GRIK2: variants seen among roughly 807,000 people sequenced by gnomAD.
GRIK2 encodes the protein glutamate ionotropic receptor kainate type subunit 2, also known as glutamate receptor ionotropic, kainate 2.
Under a neutral mutation model 100.3 loss-of-function variants are expected in GRIK2, and 32 were observed. The ratio of observed to expected loss-of-function variants is 0.32; its 90% CI spans 0.24 to 0.43. The LOEUF (loss-of-function observed/expected upper bound fraction) is 0.43. Among genes scored for constraint, GRIK2 ranks in the 20% least tolerant of loss-of-function variants. GRIK2 has a pLI of 1.00. For synonymous variants in GRIK2, 417 were observed against 389.4 expected (o/e 1.07, Z -0.83); for missense variants, 843 against 1,114.9 (o/e 0.76, Z 3.47).
chr6:101,803,876 T>C (rs936652915), intron 9 of GRIK2, among the ~76,000 whole-genome samples: 2 of 151,930 alleles, frequency 1.3e-5, no homozygotes, highest in East Asian at 3.9e-4. Context: ...GTACATATGA[T>C]GATCTATCAC....
At chr6:101,737,770 A>G (rs1028839940) in intron 7 of GRIK2, among the ~76,000 whole-genome samples, 1 of 152,098 alleles carries the variant, frequency 6.6e-6, no homozygotes, top group Non-Finnish European at 1.5e-5. Flanking sequence ...TTTTATGTTG[A>G]TTTTTACATC....
At chr6:101,446,702 A>G (rs561248868) in intron 2 of GRIK2, among the ~76,000 whole-genome samples, 2 of 151,860 alleles carry the variant, frequency 1.3e-5, no homozygotes, top group East Asian at 3.9e-4. Flanking sequence ...TGAATATTGA[A>G]AAATATATTT....
intron 7 of GRIK2, among the ~76,000 whole-genome samples, chr6:101,791,859 A>G (rs537990967): frequency 6.6e-6 from 1 of 151,166 alleles, no homozygotes; most frequent in Non-Finnish European, 1.5e-5. Context: ...TTTTTAGGTC[A>G]CTCAGGACTT....
chr6:101,928,841 G>T (rs1297634225), intron 14 of GRIK2, among the ~76,000 whole-genome samples: 1 of 152,086 alleles, frequency 6.6e-6, no homozygotes, highest in Non-Finnish European at 1.5e-5. Context: ...AGGAGGTTTT[G>T]CTTTACAATA....
At chr6:101,998,844 C>T (rs1171607437) in intron 14 of GRIK2, among the ~76,000 whole-genome samples, 5 of 107,132 alleles carry the variant, frequency 4.7e-5, no homozygotes, top group Non-Finnish European at 5.2e-5. Context: ...GTTGGAGTCT[C>T]GTTCTGTCTC....
chr6:101,905,666 TTTA>T, intron 12 of GRIK2, among the ~76,000 whole-genome samples: 1 of 151,424 alleles, frequency 6.6e-6, no homozygotes, highest in East Asian at 1.9e-4. Context: ...CCACCTAAAA[TTTA>T]TTACTACTAC....
chr6:101,526,256 T>G (rs1775151092), intron 2 of GRIK2, among the ~76,000 whole-genome samples: 1 of 152,182 alleles, frequency 6.6e-6, no homozygotes, highest in Non-Finnish European at 1.5e-5. Flanking sequence ...TTTTTGCTCT[T>G]GTAACACAAT....
chr6:101,443,062 C>A (rs531808975), intron 2 of GRIK2, among the ~76,000 whole-genome samples: 6 of 152,156 alleles, frequency 3.9e-5, no homozygotes, highest in African/African-American at 1.4e-4. Flanking sequence ...TTATTATTCT[C>A]AGTGTAATAG....
intron 13 of GRIK2, 85 bp downstream of exon 13, chr6:101,924,804 T>C: frequency 2.5e-6 from 2 of 815,468 alleles, no homozygotes; most frequent in Non-Finnish European, 2.2e-6. Flanking sequence ...ACAAGTCGCT[T>C]GCATGGGTGC....
At position 101,734,884 on chromosome 6, in the gene GRIK2, A is replaced by G. The variant is rs186567493; in HGVS notation, c.951+48531A>G. ...AGTTAGAAATTGTGGTTTGATCTCA[A>G]CTTGTCTTCATGGAGAAGAAAGTGG... On this transcript the variant is annotated intron_variant, in intron 7 of 16. Coordinates refer to ENST00000369134, the MANE Select transcript of GRIK2 (RefSeq NM_021956.5). Among the ~76,000 whole-genome samples the G allele has an allele frequency of 7.9e-5, 12 of 152,302 alleles. No homozygotes were observed. In the East Asian group the frequency reaches 1.2e-3, roughly 15 times the overall value.
intron 2 of GRIK2, among the ~76,000 whole-genome samples, chr6:101,573,990 C>T (rs750072013): frequency 5.3e-5 from 8 of 151,842 alleles, no homozygotes; most frequent in Non-Finnish European, 7.4e-5. Context: ...GTAACTTGCA[C>T]GCAGTTACCA....
chr6:101,972,849 T>G (rs1034309543), intron 14 of GRIK2, among the ~76,000 whole-genome samples: 1 of 151,940 alleles, frequency 6.6e-6, no homozygotes, highest in African/African-American at 2.4e-5. Context: ...GAAGATCAGA[T>G]GGTTTTAGGT....
At chr6:101,643,594 G>A (rs1228059282) in intron 4 of GRIK2, among the ~76,000 whole-genome samples, 1 of 151,600 alleles carries the variant, frequency 6.6e-6, no homozygotes, top group Non-Finnish European at 1.5e-5. Flanking sequence ...TGGTTTATAT[G>A]TCTGCCTTTG....
chr6:101,819,070 A>G (rs577855999), intron 10 of GRIK2, among the ~76,000 whole-genome samples: 12 of 152,154 alleles, frequency 7.9e-5, no homozygotes, highest in Admixed American at 3.3e-4. Context: ...AGATGTTTTT[A>G]CCCCTCTTAT....
intron 2 of GRIK2, among the ~76,000 whole-genome samples, chr6:101,589,631 A>G (rs547314000): frequency 6.6e-6 from 1 of 152,154 alleles, no homozygotes; most frequent in South Asian, 2.1e-4. Flanking sequence ...TTTAATGGTT[A>G]TTAAATTTTC....
At chr6:101,792,358 T>C (rs1362564744) in intron 7 of GRIK2, among the ~76,000 whole-genome samples, 1 of 152,230 alleles carries the variant, frequency 6.6e-6, no homozygotes, top group Non-Finnish European at 1.5e-5. Flanking sequence ...GTTGTTCCTT[T>C]GCATGTTTAG....
At chr6:101,793,260 T>A (rs1432047310) in intron 7 of GRIK2, among the ~76,000 whole-genome samples, 2 of 152,228 alleles carry the variant, frequency 1.3e-5, no homozygotes, top group Non-Finnish European at 2.9e-5. Flanking sequence ...AGGAACTGCG[T>A]TCCTTTGGAG....
At chr6:101,676,507 A>C (rs1196116510) in intron 4 of GRIK2, 116 bp from the exon 5 acceptor site, 1 of 631,530 alleles carries the variant, frequency 1.6e-6, no homozygotes, top group East Asian at 3.0e-5. Flanking sequence ...TGTAACCACA[A>C]AAATTAAAAT....
chr6:101,453,751 A>G (rs1018807545), intron 2 of GRIK2, among the ~76,000 whole-genome samples: 2 of 152,030 alleles, frequency 1.3e-5, no homozygotes, highest in African/African-American at 2.4e-5. Context: ...TATGTAGACT[A>G]TCAGATTTCA....
Sources: gnomAD v4.1 joint callset for allele counts (sites outside exome capture counted in the v4.1 genomes callset) on GRCh38, gnomAD v4.1.1 for gene constraint, MANE v1.5 for transcripts, NCBI Gene and HGNC (gene_info 2026-07-23, HGNC 2026-07-21) for gene names.